DPPA2: variants seen among roughly 807,000 people sequenced by gnomAD.
DPPA2 encodes the protein developmental pluripotency associated 2, also known as developmental pluripotency-associated protein 2.
DPPA2 carries 26 observed loss-of-function variants against 36.2 expected under a neutral mutation model. The ratio of observed to expected loss-of-function variants is 0.72; its 90% CI spans 0.53 to 1.00. DPPA2 has a LOEUF of 1.00. Among genes scored for constraint, DPPA2 ranks in the 50% least tolerant of loss-of-function variants. The pLI, the probability that DPPA2 is intolerant of heterozygous loss-of-function variation, is 0.00. For synonymous variants in DPPA2, 113 were observed against 123.2 expected (o/e 0.92, Z 0.55); for missense variants, 361 against 365.1 (o/e 0.99, Z 0.09).
At chr3:109,299,000 C>G (rs958624167) in intron 8 of DPPA2, among the ~76,000 whole-genome samples, 1 of 151,154 alleles carries the variant, frequency 6.6e-6, no homozygotes, top group African/African-American at 2.4e-5. Flanking sequence ...GAGCTGAGAT[C>G]GTGCCACTGC....
At chr3:109,314,664 A>C (rs1170782673) in intron 1 of DPPA2, 109 bp from the exon 2 acceptor site, 1 of 1,050,320 alleles carries the variant, frequency 9.5e-7, no homozygotes, top group Admixed American at 2.6e-5. Context: ...TACCCAGATG[A>C]GCTCTTGTTT....
intron 8 of DPPA2, among the ~76,000 whole-genome samples, chr3:109,299,753 G>GTTTT (rs35794059): frequency 7.3e-5 from 10 of 136,598 alleles, no homozygotes; most frequent in Non-Finnish European, 1.1e-4. Context: ...TGACTCATTA[G>GTTTT]TTTTTTTTTT....
Position 109,309,280 on chromosome 3 carries a change from A to G in DPPA2, c.232T>C (p.Cys78Arg). The G allele has an allele frequency of 1.2e-6, 2 of 1,614,182 alleles. No individual in the cohort carries two copies. Among genetic ancestry groups the G allele is most frequent in the Non-Finnish European group, 1.7e-6 (2 of 1,180,008 alleles). ...GGCAAGGGAAGGGCTGGTATTTTGC[A>G]TCTAGCTTTTTGTGGAGCTGTAAAT... ...EQFTAPQKAR[C>R]KIPALPLPTI... Residue 78 changes from cysteine to arginine, a missense_variant, in exon 4 of 9, where the codon TGC becomes CGC. By Grantham distance (180) the Cys-to-Arg change is radical. Transcript: ENST00000478945.
At chr3:109,304,904 TG>T (rs2107310429) in intron 6 of DPPA2, among the ~76,000 whole-genome samples, 1 of 152,254 alleles carries the variant, frequency 6.6e-6, no homozygotes, top group Non-Finnish European at 1.5e-5. Context: ...CCCAGCACTT[TG>T]GGAGGTTGAG....
At chr3:109,305,276 T>C (rs1707536410) in intron 6 of DPPA2, among the ~76,000 whole-genome samples, 1 of 152,216 alleles carries the variant, frequency 6.6e-6, no homozygotes, top group East Asian at 1.9e-4. Flanking sequence ...TACTCTTAAG[T>C]ACACTATTAA....
chr3:109,310,542 A>G (rs1031027186), intron 3 of DPPA2, among the ~76,000 whole-genome samples: 4 of 149,106 alleles, frequency 2.7e-5, no homozygotes, highest in Admixed American at 6.8e-5. Flanking sequence ...GTTTCGCTCT[A>G]TTGCCCAGGC....
intron 6 of DPPA2, among the ~76,000 whole-genome samples, chr3:109,306,805 A>G (rs1017666804): frequency 7.2e-6 from 1 of 138,256 alleles, no homozygotes; most frequent in African/African-American, 3.0e-5. Flanking sequence ...GCCTCTACTG[A>G]AAAAAAAAAA....
Position 109,304,541 on chromosome 3 carries a change from A to G in DPPA2, c.788T>C (p.Leu263Ser), listed in dbSNP as rs145792733. ...THRRMISLFLLPACIFPSPGI... is the reference protein window; with the variant it reads ...THRRMISLFLSPACIFPSPGI... ...TGGGGATGGGAAAATGCAGGCAGGTAACAAGAAGAGAGAAATCATCCTCCT... is the reference window on the plus strand; with the variant it reads ...TGGGGATGGGAAAATGCAGGCAGGTGACAAGAAGAGAGAAATCATCCTCCT... The change falls in exon 7 of 9, where the codon TTA (leucine) becomes TCA (serine). Residue 263 changes from leucine (L) to serine (S), a missense_variant. Physicochemically the swap from Leu to Ser is moderately radical, Grantham distance 145. Transcript: ENST00000478945. 2.3e-4 allele frequency: 368 copies of G among 1,614,022 alleles called. No individual in the cohort carries two copies. Among genetic ancestry groups the G allele is most frequent in the South Asian group, 3.0e-4 (27 of 91,076 alleles).
Position 109,312,680 on chromosome 3 carries a change from C to T in DPPA2, c.46G>A (p.Gly16Arg), listed in dbSNP as rs540709811. ...ACACTTTCCTCATCATCTACTTCCC[C>T]CTCCAAGAAATTCTGGAAAGAGAAG... Reference protein sequence around the residue: ...LDSSKKNFLEGEVDDEESVIL... With the variant: ...LDSSKKNFLEREVDDEESVIL... Residue 16 changes from glycine to arginine, a missense_variant, in exon 3 of 9, where the codon GGG (glycine) becomes AGG (arginine). Physicochemically the swap from Gly to Arg is moderately radical, Grantham distance 125 (BLOSUM62 -2). Coordinates refer to ENST00000478945, the MANE Select transcript of DPPA2 (RefSeq NM_138815.4). 1.4e-5 allele frequency: 22 copies of T among 1,613,248 alleles called. No homozygotes were observed. In the South Asian group the frequency reaches 2.4e-4, roughly 18 times the overall value.
chr3:109,300,985 C>CTTTTTT (rs36123123), intron 7 of DPPA2, among the ~76,000 whole-genome samples: 4 of 139,210 alleles, frequency 2.9e-5, no homozygotes, highest in African/African-American at 1.1e-4. Context: ...GATCTCACAT[C>CTTTTTT]TTTTTTTTTT....
chr3:109,309,268 C>T lies in DPPA2; in HGVS notation c.244G>A (p.Ala82Thr). 1 of 1,614,134 alleles carries T rather than the reference C, an allele frequency of 6.2e-7. No homozygotes were observed. Among genetic ancestry groups the T allele is most frequent in the Non-Finnish European group, 8.5e-7 (1 of 1,180,020 alleles). Reference sequence around the variant, plus strand: ...GGCAAAATGGTCGGCAAGGGAAGGGCTGGTATTTTGCATCTAGCTTTTTGT... The same window carrying T: ...GGCAAAATGGTCGGCAAGGGAAGGGTTGGTATTTTGCATCTAGCTTTTTGT... The part of the protein sequence containing the change: ...APQKARCKIP[A>T]LPLPTILPPI... The change falls in exon 4 of 9, where the codon GCC becomes ACC. Residue 82 changes from alanine (A) to threonine (T), a missense_variant. Transcript: ENST00000478945.
intron 5 of DPPA2, 67 bp downstream of exon 5, chr3:109,308,959 G>A (rs191956451): frequency 5.7e-6 from 9 of 1,576,492 alleles, no homozygotes; most frequent in East Asian, 2.2e-5. Flanking sequence ...GATATGGTGC[G>A]ACGGTAGGGA....
chr3:109,294,917 A>T (rs1707324328), intron 8 of DPPA2, among the ~76,000 whole-genome samples: 1 of 152,136 alleles, frequency 6.6e-6, no homozygotes, highest in African/African-American at 2.4e-5. Flanking sequence ...GCTACTTAAG[A>T]GGCTGAGGCT....
At chr3:109,298,477 G>A (rs1229738864) in intron 8 of DPPA2, among the ~76,000 whole-genome samples, 1 of 151,624 alleles carries the variant, frequency 6.6e-6, no homozygotes, top group Non-Finnish European at 1.5e-5. Flanking sequence ...CCCTTTGGGA[G>A]CCCAAGGCGG....
intron 6 of DPPA2, among the ~76,000 whole-genome samples, chr3:109,306,494 A>G (rs1469682476): frequency 6.6e-6 from 1 of 152,116 alleles, no homozygotes; most frequent in Non-Finnish European, 1.5e-5. Context: ...CTACCATACT[A>G]GTTAGCTGGA....
At chr3:109,299,003 G>C (rs576651367) in intron 8 of DPPA2, among the ~76,000 whole-genome samples, 26 of 151,496 alleles carry the variant, frequency 1.7e-4, no homozygotes, top group African/African-American at 6.1e-4. Context: ...CTGAGATCGT[G>C]CCACTGCACT....
intron 1 of DPPA2, 55 bp from the exon 2 acceptor site, chr3:109,314,610 C>G (rs1299271062): frequency 4.7e-6 from 7 of 1,495,062 alleles, no homozygotes; most frequent in East Asian, 2.3e-5. Flanking sequence ...TTCTCTTAAC[C>G]TGCTTTCTCC....
At chr3:109,309,624 G>C (rs1442767382) in intron 3 of DPPA2, among the ~76,000 whole-genome samples, 1 of 151,464 alleles carries the variant, frequency 6.6e-6, no homozygotes, top group Non-Finnish European at 1.5e-5. Flanking sequence ...CGGGAGGTAG[G>C]GTTTGCAGTG....
chr3:109,298,621 C>A (rs900170300), intron 8 of DPPA2, among the ~76,000 whole-genome samples: 1 of 151,236 alleles, frequency 6.6e-6, no homozygotes, highest in Non-Finnish European at 1.5e-5. Context: ...AAGGCTGAGG[C>A]AGGAGAATCG....
Sources: gnomAD v4.1 joint callset for allele counts (sites outside exome capture counted in the v4.1 genomes callset) on GRCh38, gnomAD v4.1.1 for gene constraint, MANE v1.5 for transcripts, NCBI Gene and HGNC (gene_info 2026-07-23, HGNC 2026-07-21) for gene names.